PKD2L2: variants seen among roughly 807,000 people sequenced by gnomAD.
PKD2L2 encodes the protein polycystin-2-like protein 2.
PKD2L2 carries 67 observed loss-of-function variants against 83.9 expected under a neutral mutation model. The observed-to-expected ratio is 0.80, with a 90% CI of 0.66 to 0.98. The LOEUF (loss-of-function observed/expected upper bound fraction) is 0.98. Among genes scored for constraint, PKD2L2 ranks in the 50% least tolerant of loss-of-function variants. The pLI is 0.00. For missense variants in PKD2L2, 632 were observed against 717.2 expected (o/e 0.88, Z 1.36); for synonymous variants, 223 against 237.8 (o/e 0.94, Z 0.57).
At chr5:137,896,387 T>C (rs1255442515) in intron 4 of PKD2L2, among the ~76,000 whole-genome samples, 1 of 152,170 alleles carries the variant, frequency 6.6e-6, no homozygotes, top group Non-Finnish European at 1.5e-5. Flanking sequence ...TTATACTTGA[T>C]TTTACAGTTG....
intron 3 of PKD2L2, among the ~76,000 whole-genome samples, chr5:137,893,985 G>A (rs560081633): frequency 1.3e-5 from 2 of 152,118 alleles, no homozygotes; most frequent in East Asian, 1.9e-4. Flanking sequence ...GGCCAGAGTC[G>A]GGGAGGAGGG....
intron 6 of PKD2L2, 117 bp from the exon 7 acceptor site, chr5:137,907,625 C>T: frequency 2.2e-6 from 1 of 453,630 alleles, no homozygotes; most frequent in South Asian, 7.0e-5. Flanking sequence ...TATGTCCTAT[C>T]TTTCCTTCCC....
intron 12 of PKD2L2, among the ~76,000 whole-genome samples, chr5:137,935,100 A>G (rs1040461036): frequency 6.6e-6 from 1 of 152,224 alleles, no homozygotes; most frequent in Non-Finnish European, 1.5e-5. Flanking sequence ...AAATTTACTG[A>G]GAAGGTTTTG....
intron 8 of PKD2L2, among the ~76,000 whole-genome samples, chr5:137,910,910 C>G (rs1757781122): frequency 6.6e-6 from 1 of 152,114 alleles, no homozygotes; most frequent in African/African-American, 2.4e-5. Flanking sequence ...GCACCCAAAG[C>G]TATTTGCCCT....
intron 5 of PKD2L2, among the ~76,000 whole-genome samples, chr5:137,902,841 T>C (rs1168552525): frequency 2.0e-5 from 3 of 152,172 alleles, no homozygotes. Context: ...TTACCACAAA[T>C]GGTGTCTGCT....
chr5:137,935,976 A>T (rs1245022602), intron 13 of PKD2L2, 67 bp downstream of exon 13: 10 of 903,678 alleles, frequency 1.1e-5, no homozygotes, highest in Non-Finnish European at 1.8e-5. Context: ...CATGAGTTAA[A>T]CACATTATTT....
chr5:137,914,339 G>A (rs1480571641), intron 8 of PKD2L2, among the ~76,000 whole-genome samples: 1 of 151,898 alleles, frequency 6.6e-6, no homozygotes, highest in Non-Finnish European at 1.5e-5. Context: ...GGAGCATTCT[G>A]GATTTCAAAT....
intron 6 of PKD2L2, among the ~76,000 whole-genome samples, chr5:137,907,194 C>A (rs2150020563): frequency 6.6e-6 from 1 of 152,268 alleles, no homozygotes; most frequent in Admixed American, 6.5e-5. Context: ...TCTGGTAACT[C>A]CACTAATATC....
intron 5 of PKD2L2, among the ~76,000 whole-genome samples, chr5:137,904,897 G>T (rs1023862418): frequency 2.0e-5 from 3 of 152,130 alleles, no homozygotes; most frequent in Admixed American, 6.6e-5. Context: ...ACACACCATG[G>T]CCTTTAAAAT....
intron 14 of PKD2L2, chr5:137,940,502 C>T: frequency 1.7e-6 from 1 of 583,328 alleles, no homozygotes; most frequent in East Asian, 2.9e-5. Context: ...GAACTAATAC[C>T]CTCATCCCCA....
Position 137,889,517 on chromosome 5 carries a change from G to C in PKD2L2, c.26G>C (p.Arg9Pro), listed in dbSNP as rs1199514709. The C allele has an allele frequency of 1.9e-6, 3 of 1,554,758 alleles. No homozygotes were observed. The highest frequency in any genetic ancestry group is 2.6e-6 in the Non-Finnish European group (3 of 1,158,634). The change falls in exon 1 of 15, where the codon CGA becomes CCA. Residue 9 changes from arginine to proline, a missense_variant. Physicochemically the swap from Arg to Pro is moderately radical, Grantham distance 103. Coordinates refer to ENST00000508883, the MANE Select transcript of PKD2L2 (RefSeq NM_001300921.2). ...ATGGCTGAGGCGTCACGGTGGCACCGAGGCGGTGAGGGGTCCTCTTAAGGA... is the reference window on the plus strand; with the variant it reads ...ATGGCTGAGGCGTCACGGTGGCACCCAGGCGGTGAGGGGTCCTCTTAAGGA... Reference protein sequence around the residue: MAEASRWHRGGASKHKLHY... With the variant: MAEASRWHPGGASKHKLHY...
At chr5:137,923,016 C>CT (rs576285427) in intron 9 of PKD2L2, among the ~76,000 whole-genome samples, 5,593 of 139,254 alleles carry the variant, frequency 0.04, 130 homozygotes, top group Middle Eastern at 0.057. Flanking sequence ...TTTTTCTTTT[C>CT]TTTTTTTTTT....
At chr5:137,914,844 G>A (rs180985109) in intron 8 of PKD2L2, among the ~76,000 whole-genome samples, 35 of 152,114 alleles carry the variant, frequency 2.3e-4, no homozygotes, top group Middle Eastern at 3.4e-3. Context: ...CTGAAAATAC[G>A]TTGATTATCA....
intron 2 of PKD2L2, among the ~76,000 whole-genome samples, chr5:137,892,150 A>C (rs150918585): frequency 4.3e-4 from 65 of 152,208 alleles, no homozygotes; most frequent in African/African-American, 1.5e-3. Flanking sequence ...AACCTTAACC[A>C]CTCACCATAC....
rs557733728 is a variant in PKD2L2, at chr5:137,930,752, T to TA, written c.1671+4833dup. On this transcript the variant is annotated intron_variant, in intron 12 of 14. Coordinates refer to ENST00000508883, the MANE Select transcript of PKD2L2 (RefSeq NM_001300921.2). ...CCATGTAGCAGAATCTGAGATAAAG[T>TA]AAAAAAAAAATACTCAGAGGAAAAT... is the stretch of plus-strand genomic sequence containing the variant. Among the ~76,000 whole-genome samples, 95 of 128,006 alleles carry TA rather than the reference T, an allele frequency of 7.4e-4. No individual in the cohort carries two copies. In the South Asian group the frequency reaches 8.0e-3, roughly 11 times the overall value. The allele number at this position is 128,006 out of a possible 152,430, so 84.0% of individuals were successfully genotyped here.
intron 12 of PKD2L2, among the ~76,000 whole-genome samples, chr5:137,933,640 A>G (rs1367550771): frequency 6.6e-6 from 1 of 152,160 alleles, no homozygotes; most frequent in East Asian, 1.9e-4. Context: ...AGCCAGCTGC[A>G]TTAGGAATAA....
intron 14 of PKD2L2, chr5:137,940,175 C>T: frequency 1.2e-6 from 2 of 1,613,342 alleles, no homozygotes; most frequent in South Asian, 1.1e-5. Flanking sequence ...ACGATGATAG[C>T]TTCAAGGAAT....
intron 8 of PKD2L2, among the ~76,000 whole-genome samples, chr5:137,912,428 A>G (rs1290263454): frequency 4.0e-5 from 6 of 151,688 alleles, no homozygotes; most frequent in South Asian, 2.1e-4. Context: ...GTGCAGTGGC[A>G]TGATCTCGGC....
At chr5:137,938,852 C>T (rs1177220761) in intron 14 of PKD2L2, 3 of 152,088 alleles carry the variant, frequency 2.0e-5, no homozygotes, top group East Asian at 3.9e-4. Context: ...TTAAGAAAAC[C>T]ATGCATGAGT....
Sources: allele counts gnomAD v4.1 joint callset (sites outside exome capture counted in the v4.1 genomes callset), GRCh38; gene constraint gnomAD v4.1.1; transcripts MANE v1.5; gene names NCBI Gene and HGNC (gene_info 2026-07-23, HGNC 2026-07-21).